The following RAPGEF4 variants were observed in gnomAD, a reference collection of about 807,000 sequenced individuals.
The protein encoded by RAPGEF4 is Rap guanine nucleotide exchange factor 4, also known as RAP guanine-nucleotide-exchange factor (GEF) 4.
A neutral mutation model predicts 147.9 loss-of-function variants in RAPGEF4; 66 were observed. That is an observed-to-expected ratio of 0.45 (90% CI 0.37 to 0.55). The LOEUF (loss-of-function observed/expected upper bound fraction) is 0.55, where lower values mean the gene tolerates loss of function less well. Among genes scored for constraint, RAPGEF4 ranks in the 20% least tolerant of loss-of-function variants. The probability of loss-of-function intolerance (pLI) is 0.00; values close to 1 mark genes in which losing one functional copy is unlikely to be tolerated. For synonymous variants in RAPGEF4, 419 were observed against 442.7 expected, an observed-to-expected ratio of 0.95 and a Z score of 0.67; for missense variants, 1,071 against 1,257.3, an observed-to-expected ratio of 0.85 and a Z score of 2.24.
intron 10 of RAPGEF4, among the ~76,000 whole-genome samples, chr2:172,975,976 A>G (rs779286544): frequency 2.2e-4 from 30 of 134,148 alleles, no homozygotes; most frequent in Non-Finnish European, 4.4e-4. Flanking sequence ...ACATTGTCCT[A>G]AAAACACTTA....
At chr2:172,867,036 G>A (rs1298611733) in intron 4 of RAPGEF4, among the ~76,000 whole-genome samples, 2 of 148,988 alleles carry the variant, frequency 1.3e-5, no homozygotes, top group Non-Finnish European at 3.0e-5. Context: ...GCGTGATCTT[G>A]GCTCACTGCA....
At chr2:172,968,150 A>G (rs62174648) in intron 10 of RAPGEF4, among the ~76,000 whole-genome samples, 1,996 of 152,326 alleles carry the variant, frequency 0.013, 28 homozygotes, top group South Asian at 0.061. Flanking sequence ...AGAAGCATAC[A>G]TGTGGTCCTG....
intron 4 of RAPGEF4, among the ~76,000 whole-genome samples, chr2:172,865,097 A>T (rs1015222454): frequency 6.6e-6 from 1 of 152,200 alleles, no homozygotes; most frequent in Non-Finnish European, 1.5e-5. Flanking sequence ...GCTGCTGAGC[A>T]GTGCCAGAGA....
intron 4 of RAPGEF4, among the ~76,000 whole-genome samples, chr2:172,911,094 G>T (rs1285038865): frequency 6.6e-6 from 1 of 152,148 alleles, no homozygotes; most frequent in East Asian, 1.9e-4. Flanking sequence ...CCTTTCTTGA[G>T]ACTCCCAGAG....
intron 1 of RAPGEF4, among the ~76,000 whole-genome samples, chr2:172,755,001 C>T (rs1418542641): frequency 6.6e-6 from 1 of 152,102 alleles, no homozygotes; most frequent in Non-Finnish European, 1.5e-5. Flanking sequence ...CAAGATCACA[C>T]CACTGCACTC....
At chr2:172,821,467 C>A in intron 4 of RAPGEF4, 2 of 662,610 alleles carry the variant, frequency 3.0e-6, no homozygotes, top group Non-Finnish European at 3.7e-6. Flanking sequence ...AAATTTGCAT[C>A]AAAGGACTAA....
rs538380002 is a variant in RAPGEF4 at position 172,899,186 on chromosome 2, T to G, written c.445-18616T>G. ...CACCTGTATCATACTGTTTAGATTTTGTGTTGGCTGGTAAAAAGGTTGGTT... is the reference window on the plus strand; with the variant it reads ...CACCTGTATCATACTGTTTAGATTTGGTGTTGGCTGGTAAAAAGGTTGGTT... On this transcript the variant is annotated intron_variant, in intron 4 of 30. Transcript: ENST00000397081. Among the ~76,000 whole-genome samples, 7 of 152,358 alleles carry G rather than the reference T, an allele frequency of 4.6e-5. No individual in the cohort carries two copies. The East Asian group carries it at 1.2e-3, about 25-fold the overall frequency.
intron 29 of RAPGEF4, among the ~76,000 whole-genome samples, chr2:173,037,723 G>T (rs576504919): frequency 6.6e-6 from 1 of 152,064 alleles, no homozygotes; most frequent in Non-Finnish European, 1.5e-5. Context: ...AAAAGCCGGG[G>T]ACCTGGAGTC....
chr2:173,037,929 G>A (rs190371875), intron 29 of RAPGEF4, among the ~76,000 whole-genome samples: 111 of 152,260 alleles, frequency 7.3e-4, no homozygotes, highest in East Asian at 5.8e-3. Context: ...AAGCTGGCAC[G>A]TGTGACTCCA....
chr2:172,980,492 T>G (rs1691560986), intron 10 of RAPGEF4, among the ~76,000 whole-genome samples: 2 of 151,782 alleles, frequency 1.3e-5, no homozygotes, highest in African/African-American at 4.8e-5. Context: ...AAAAAGACAT[T>G]GAGGAGAAAT....
chr2:172,917,949 G>A, intron 5 of RAPGEF4, 75 bp downstream of exon 5: 1 of 1,223,046 alleles, frequency 8.2e-7, no homozygotes, highest in African/African-American at 1.5e-5. Flanking sequence ...CAAAAAATAT[G>A]TCCTACACCA....
chr2:172,846,117 T>C (rs1692158874), intron 4 of RAPGEF4, among the ~76,000 whole-genome samples: 1 of 152,230 alleles, frequency 6.6e-6, no homozygotes, highest in South Asian at 2.1e-4. Context: ...TATCATAAAC[T>C]TCATGCATTT....
In RAPGEF4 at chr2:173,023,974, C is replaced by A. The variant is rs527573654; in HGVS notation, c.2254-2598C>A. 2.0e-5 allele frequency among the ~76,000 whole-genome samples: 3 copies of A among 152,316 alleles called. No individual in the cohort carries two copies. In the South Asian group the frequency reaches 6.2e-4, roughly 32 times the overall value. On this transcript the variant is annotated intron_variant, in intron 23 of 30. Coordinates refer to ENST00000397081, the MANE Select transcript of RAPGEF4 (RefSeq NM_007023.4). ...CCCTAAAATGTATAAGCTTCCCCAA[C>A]TTTTTTTACCTAGGACCTACCCTGG...
chr2:172,960,544 A>G (rs1043277578), intron 6 of RAPGEF4, among the ~76,000 whole-genome samples: 1 of 152,114 alleles, frequency 6.6e-6, no homozygotes. Context: ...TTCATTTGTA[A>G]TAATTTATAT....
intron 4 of RAPGEF4, among the ~76,000 whole-genome samples, chr2:172,824,664 G>T (rs971622348): frequency 6.6e-6 from 1 of 152,192 alleles, no homozygotes. Context: ...GTGAGAATAA[G>T]GTGCAAGATC....
At chr2:172,980,121 T>A (rs1314753164) in intron 10 of RAPGEF4, among the ~76,000 whole-genome samples, 1 of 152,058 alleles carries the variant, frequency 6.6e-6, no homozygotes, top group Non-Finnish European at 1.5e-5. Context: ...AAAAGCTTAG[T>A]GTGTTCGAGG....
intron 4 of RAPGEF4, among the ~76,000 whole-genome samples, chr2:172,878,785 A>T (rs1242006632): frequency 6.6e-6 from 1 of 152,228 alleles, no homozygotes; most frequent in African/African-American, 2.4e-5. Context: ...AGAAAGGAAT[A>T]TATTTCTTCT....
chr2:172,883,722 G>A (rs982651255), intron 4 of RAPGEF4, among the ~76,000 whole-genome samples: 5 of 152,082 alleles, frequency 3.3e-5, no homozygotes, highest in Non-Finnish European at 7.4e-5. Flanking sequence ...TTGGAAGCCC[G>A]CTTCAGTTGG....
At chr2:172,876,369 G>A (rs1695920477) in intron 4 of RAPGEF4, among the ~76,000 whole-genome samples, 1 of 152,124 alleles carries the variant, frequency 6.6e-6, no homozygotes. Flanking sequence ...CATTCAGTAT[G>A]ATATTGGATG....
Sources: gnomAD v4.1 joint callset for allele counts (sites outside exome capture counted in the v4.1 genomes callset) on GRCh38, gnomAD v4.1.1 for gene constraint, MANE v1.5 for transcripts, NCBI Gene and HGNC (gene_info 2026-07-23, HGNC 2026-07-21) for gene names.